Variants in SORCS2 observed in about 807,000 individuals in gnomAD.
SORCS2 encodes sortilin related VPS10 domain containing receptor 2, also known as VPS10 domain-containing receptor SorCS2.
In SORCS2, 100 loss-of-function variants were observed where a neutral mutation model predicts 141.6. The ratio of observed to expected loss-of-function variants is 0.71; its 90% CI spans 0.60 to 0.83. The LOEUF is 0.83. SORCS2 is among the 40% of genes least tolerant of loss of function. SORCS2 has a pLI of 0.00. For missense variants in SORCS2, 1,646 were observed against 1,560.2 expected (o/e 1.05, Z -0.93); for synonymous variants, 789 against 676.9 (o/e 1.17, Z -2.57).
chr4:7,736,950 G>A (rs1712228154), intron 25 of SORCS2, 119 bp from the exon 26 acceptor site: 6 of 1,322,550 alleles, frequency 4.5e-6, no homozygotes, highest in Non-Finnish European at 5.1e-6. Context: ...AGGCACCTCT[G>A]GAGTGCTGTG....
chr4:7,250,196 C>T (rs981528405), intron 1 of SORCS2, among the ~76,000 whole-genome samples: 11 of 152,160 alleles, frequency 7.2e-5, no homozygotes, highest in African/African-American at 2.4e-4. Context: ...GACCTGAGAT[C>T]GCGCCACTGC....
intron 1 of SORCS2, among the ~76,000 whole-genome samples, chr4:7,275,764 T>G (rs1715460733): frequency 6.6e-6 from 1 of 152,094 alleles, no homozygotes; most frequent in South Asian, 2.1e-4. Context: ...TGGAGGCAGT[T>G]CTCCAGCAAG....
chr4:7,223,292 T>TAC (rs895893281), intron 1 of SORCS2, among the ~76,000 whole-genome samples: 11 of 85,430 alleles, frequency 1.3e-4, no homozygotes, highest in African/African-American at 4.4e-4. Flanking sequence ...TTAGTGTATA[T>TAC]GCGCACACAC....
At chr4:7,485,458 C>G (rs1730919449) in intron 2 of SORCS2, among the ~76,000 whole-genome samples, 2 of 152,262 alleles carry the variant, frequency 1.3e-5, no homozygotes, top group South Asian at 4.1e-4. Context: ...GGCCCCACCC[C>G]TCACCTGGAG....
intron 1 of SORCS2, among the ~76,000 whole-genome samples, chr4:7,272,804 T>C (rs768394723): frequency 6.6e-6 from 1 of 152,130 alleles, no homozygotes; most frequent in Non-Finnish European, 1.5e-5. Context: ...CTGGTGGAGG[T>C]GGAAAGGAAT....
intron 8 of SORCS2, among the ~76,000 whole-genome samples, chr4:7,669,187 A>G (rs1420163351): frequency 6.6e-6 from 1 of 152,182 alleles, no homozygotes. Context: ...AAAAGACTCA[A>G]GAGACTCTCA....
intron 3 of SORCS2, among the ~76,000 whole-genome samples, chr4:7,595,791 T>A (rs571472696): frequency 6.6e-6 from 1 of 152,122 alleles, no homozygotes; most frequent in African/African-American, 2.4e-5. Context: ...TGGTTCTGAC[T>A]CTAGTATTAA....
At chr4:7,299,632 C>T (rs948225370) in intron 1 of SORCS2, among the ~76,000 whole-genome samples, 69 of 152,318 alleles carry the variant, frequency 4.5e-4, no homozygotes, top group African/African-American at 1.4e-3. Flanking sequence ...GAAGGGAGCA[C>T]GTCTCATCCC....
At chr4:7,711,150 CAA>C (rs1577104281) in intron 14 of SORCS2, among the ~76,000 whole-genome samples, 1 of 152,196 alleles carries the variant, frequency 6.6e-6, no homozygotes, top group Non-Finnish European at 1.5e-5. Flanking sequence ...TTTCATCAAA[CAA>C]AGACAATAGT....
At chr4:7,683,663 A>G (rs1039347700) in intron 10 of SORCS2, among the ~76,000 whole-genome samples, 1 of 152,252 alleles carries the variant, frequency 6.6e-6, no homozygotes, top group Non-Finnish European at 1.5e-5. Context: ...GCTGAGGAGC[A>G]GACACTTGCT....
intron 1 of SORCS2, among the ~76,000 whole-genome samples, chr4:7,333,111 C>T (rs1719757782): frequency 6.6e-6 from 1 of 152,298 alleles, no homozygotes; most frequent in Admixed American, 6.5e-5. Context: ...TGGGACAAGG[C>T]GGTGTGGCCG....
intron 1 of SORCS2, among the ~76,000 whole-genome samples, chr4:7,269,241 T>A (rs1714950196): frequency 6.6e-6 from 1 of 152,164 alleles, no homozygotes; most frequent in Non-Finnish European, 1.5e-5. Context: ...AGGATGGCAC[T>A]GTCATTCTCT....
chr4:7,464,184 C>T (rs183159241), intron 2 of SORCS2, among the ~76,000 whole-genome samples: 16 of 152,284 alleles, frequency 1.1e-4, no homozygotes, highest in East Asian at 7.7e-4. Context: ...CACCATCAGG[C>T]GATGTCACAG....
chr4:7,504,877 G>T (rs1283704084), intron 2 of SORCS2, among the ~76,000 whole-genome samples: 1 of 152,208 alleles, frequency 6.6e-6, no homozygotes, highest in East Asian at 1.9e-4. Flanking sequence ...AAGGTCCATG[G>T]TGAGCAGAGA....
Position 7,733,518 on chromosome 4 carries a change from A to T in SORCS2, c.3208+97A>T, listed in dbSNP as rs1177543711. On this transcript the variant is annotated intron_variant, in intron 24 of 26. Transcript: ENST00000507866. ...CAGGGCCCTCGGGCAGATGGCCCGTATCCCCCTCCTGGTGGGTGTTCGCCT... is the reference window on the plus strand; with the variant it reads ...CAGGGCCCTCGGGCAGATGGCCCGTTTCCCCCTCCTGGTGGGTGTTCGCCT... 3.1e-6 allele frequency: 3 copies of T among 979,378 alleles called. No individual in the cohort carries two copies. The African/African-American group carries it at 4.9e-5, about 16-fold the overall frequency. The allele number at this position is 979,378 out of a possible 1,614,324, so 60.7% of individuals were successfully genotyped here.
intron 2 of SORCS2, among the ~76,000 whole-genome samples, chr4:7,460,589 C>T (rs922157022): frequency 2.0e-5 from 3 of 152,190 alleles, no homozygotes; most frequent in Admixed American, 6.5e-5. Flanking sequence ...GAGTGGCATC[C>T]GTGTCTGTGG....
intron 2 of SORCS2, among the ~76,000 whole-genome samples, chr4:7,403,067 T>A (rs35211466): frequency 0.15 from 23,136 of 152,074 alleles, 1,880 homozygotes; most frequent in Non-Finnish European, 0.18. Context: ...CTCCTAAGAA[T>A]GTTTTGCCAT....
At chr4:7,586,194 C>T (rs1045463989) in intron 3 of SORCS2, among the ~76,000 whole-genome samples, 8 of 152,140 alleles carry the variant, frequency 5.3e-5, no homozygotes, top group African/African-American at 1.9e-4. Context: ...TTTTTCCCTC[C>T]CATTAATTTG....
intron 3 of SORCS2, among the ~76,000 whole-genome samples, chr4:7,634,771 G>T (rs926422247): frequency 6.6e-6 from 1 of 152,208 alleles, no homozygotes; most frequent in African/African-American, 2.4e-5. Flanking sequence ...CAGGATCCTG[G>T]CCGGGAAGGG....
Sources: gnomAD v4.1 joint callset for allele counts (sites outside exome capture counted in the v4.1 genomes callset) on GRCh38, gnomAD v4.1.1 for gene constraint, MANE v1.5 for transcripts, NCBI Gene and HGNC (gene_info 2026-07-23, HGNC 2026-07-21) for gene names.